The following UNC13C variants were observed in gnomAD, a reference collection of about 807,000 sequenced individuals.
The protein encoded by UNC13C is protein unc-13 homolog C.
In UNC13C, 174 loss-of-function variants were observed where a neutral mutation model predicts 245.4. The observed-to-expected ratio is 0.71, with a 90% CI of 0.63 to 0.80. The LOEUF is 0.80. UNC13C is among the 30% of genes least tolerant of loss of function. The pLI is 0.00. For missense variants in UNC13C, 2,829 were observed against 2,602.9 expected (o/e 1.09, Z -1.89); for synonymous variants, 992 against 895.1 (o/e 1.11, Z -1.93).
chr15:54,455,774 T>C lies in UNC13C; in HGVS notation c.4934-38834T>C, dbSNP rs146825646. ...CTTATAGATTCTGGATATTAGTTAT[T>C]TGTCAAATGCATAGTTTGCAAAGAT... On this transcript the variant is annotated intron_variant, in intron 19 of 32. Transcript: ENST00000260323. Among the ~76,000 whole-genome samples the C allele has an allele frequency of 3.3e-4, 51 of 152,266 alleles. No individual in the cohort carries two copies. In the East Asian group the frequency reaches 9.1e-3, roughly 27 times the overall value.
the UNC13C span, among the ~76,000 whole-genome samples, chr15:53,925,486 T>A: frequency 6.6e-6 from 1 of 152,096 alleles, no homozygotes; most frequent in Non-Finnish European, 1.5e-5. Context: ...ACTTCTGAGG[T>A]GAGAAAAAAC....
chr15:54,393,206 A>G (rs2039999409), intron 18 of UNC13C, 25 bp downstream of exon 18: 1 of 1,498,318 alleles, frequency 6.7e-7, no homozygotes, highest in East Asian at 2.4e-5. Context: ...TTGGAAATGA[A>G]TGGATTTTAT....
intron 19 of UNC13C, among the ~76,000 whole-genome samples, chr15:54,442,900 G>A (rs190037354): frequency 1.2e-3 from 186 of 152,082 alleles, no homozygotes; most frequent in Admixed American, 3.3e-3. Flanking sequence ...TCCTTTTCTG[G>A]TTTTAGTATC....
chr15:54,407,491 A>G (rs924258892), intron 18 of UNC13C, among the ~76,000 whole-genome samples: 10 of 152,366 alleles, frequency 6.6e-5, no homozygotes, highest in Non-Finnish European at 1.3e-4. Flanking sequence ...AAAGTACCAT[A>G]GAGTGGAGGT....
chr15:54,583,075 A>T (rs1190056732), intron 30 of UNC13C, among the ~76,000 whole-genome samples: 1 of 152,058 alleles, frequency 6.6e-6, no homozygotes, highest in Non-Finnish European at 1.5e-5. Flanking sequence ...CATTTATAAT[A>T]AGCTCTCAGG....
intron 17 of UNC13C, among the ~76,000 whole-genome samples, chr15:54,386,370 T>C (rs1596312623): frequency 6.6e-6 from 1 of 152,244 alleles, no homozygotes; most frequent in East Asian, 1.9e-4. Context: ...TTGGCAGAGA[T>C]TGAAAGTCAG....
intron 30 of UNC13C, among the ~76,000 whole-genome samples, chr15:54,620,651 C>T (rs1172173057): frequency 1.3e-5 from 2 of 151,868 alleles, no homozygotes; most frequent in East Asian, 1.9e-4. Context: ...CCAGGCATGG[C>T]GGTCCATACT....
chr15:54,616,856 A>G (rs1900470226), intron 30 of UNC13C, among the ~76,000 whole-genome samples: 1 of 151,998 alleles, frequency 6.6e-6, no homozygotes, highest in South Asian at 2.1e-4. Context: ...GCAACTTTCA[A>G]TCCCACAAGC....
intron 19 of UNC13C, among the ~76,000 whole-genome samples, chr15:54,475,749 A>C (rs1474105330): frequency 7.8e-6 from 1 of 127,528 alleles, no homozygotes; most frequent in Non-Finnish European, 1.7e-5. Flanking sequence ...GCTATTGTTA[A>C]TAGTGCTGCA....
chr15:54,590,721 G>A lies in UNC13C; in HGVS notation c.6106+22774G>A, dbSNP rs113588928. Among the ~76,000 whole-genome samples, 339 of 152,188 alleles carry A rather than the reference G, an allele frequency of 2.2e-3. 1 individual carries two copies. The highest frequency in any genetic ancestry group is 7.5e-3 in the African/African-American group (310 of 41,536). On this transcript the variant is annotated intron_variant, in intron 30 of 32. Coordinates refer to ENST00000260323, the MANE Select transcript of UNC13C (RefSeq NM_001080534.3). ...AGTCCTTAGGGTTTTTAAGGTAGAC[G>A]ATCATATCATCAGCAAACAAGGACA...
At chr15:54,140,007 C>G (rs867751857) in intron 2 of UNC13C, among the ~76,000 whole-genome samples, 1 of 152,152 alleles carries the variant, frequency 6.6e-6, no homozygotes, top group Middle Eastern at 3.4e-3. Context: ...ATAAGGGTTT[C>G]TTAATTATAT....
intron 25 of UNC13C, among the ~76,000 whole-genome samples, chr15:54,530,197 A>T (rs1357215123): frequency 6.6e-6 from 1 of 152,224 alleles, no homozygotes; most frequent in African/African-American, 2.4e-5. Context: ...TATTTAAGGT[A>T]TACAACTTTG....
chr15:54,311,465 G>T (rs1281888385), intron 13 of UNC13C, among the ~76,000 whole-genome samples: 1 of 151,670 alleles, frequency 6.6e-6, no homozygotes, highest in Non-Finnish European at 1.5e-5. Context: ...GTAATGCTAA[G>T]TTGTTATTGA....
chr15:54,126,513 T>C (rs1469310973), intron 2 of UNC13C, among the ~76,000 whole-genome samples: 1 of 152,048 alleles, frequency 6.6e-6, no homozygotes, highest in Non-Finnish European at 1.5e-5. Context: ...AATCCACAAA[T>C]ATTGTTTGAG....
chr15:54,473,695 T>C (rs1312895064), intron 19 of UNC13C, among the ~76,000 whole-genome samples: 1 of 152,012 alleles, frequency 6.6e-6, no homozygotes, highest in Admixed American at 6.6e-5. Flanking sequence ...TAGTATTCCA[T>C]TGTGTATATA....
chr15:54,188,887 C>T (rs1304750276), intron 4 of UNC13C, among the ~76,000 whole-genome samples: 1 of 152,152 alleles, frequency 6.6e-6, no homozygotes, highest in African/African-American at 2.4e-5. Context: ...CAGAGCTTAT[C>T]TTAGGAAGAA....
intron 19 of UNC13C, among the ~76,000 whole-genome samples, chr15:54,420,098 A>G (rs1396619049): frequency 1.3e-5 from 2 of 152,126 alleles, no homozygotes; most frequent in African/African-American, 2.4e-5. Context: ...ATAGTAAAAG[A>G]GAAACTCTCA....
At chr15:54,006,084 A>G (rs1417252021) in intron 1 of UNC13C, among the ~76,000 whole-genome samples, 13 of 152,324 alleles carry the variant, frequency 8.5e-5, no homozygotes, top group Admixed American at 6.5e-4. Flanking sequence ...CTGAGGCTCA[A>G]CATTCAGCAT....
intron 18 of UNC13C, among the ~76,000 whole-genome samples, chr15:54,396,622 G>A (rs1289020645): frequency 6.6e-6 from 1 of 151,360 alleles, no homozygotes; most frequent in African/African-American, 2.4e-5. Flanking sequence ...GAGTTACGTG[G>A]TAAGTATGTA....
Sources: gnomAD v4.1 joint callset for allele counts (sites outside exome capture counted in the v4.1 genomes callset) on GRCh38, gnomAD v4.1.1 for gene constraint, MANE v1.5 for transcripts, NCBI Gene and HGNC (gene_info 2026-07-23, HGNC 2026-07-21) for gene names.